The following SHC3 variants were observed in gnomAD, a reference collection of about 807,000 sequenced individuals.
SHC3 encodes SHC adaptor protein 3.
A neutral mutation model predicts 60.4 loss-of-function variants in SHC3; 15 were observed. That is an observed-to-expected ratio of 0.25 (90% CI 0.17 to 0.38). The LOEUF (loss-of-function observed/expected upper bound fraction) is 0.38. Ranked by LOEUF, SHC3 falls within the 10% of genes least tolerant of loss-of-function variation. SHC3 has a pLI of 1.00. For synonymous variants in SHC3, 294 were observed against 325.9 expected (o/e 0.90, Z 1.05); for missense variants, 677 against 786.1 (o/e 0.86, Z 1.66).
chr9:89,130,786 A>G (rs1484995005), intron 1 of SHC3, among the ~76,000 whole-genome samples: 4 of 152,210 alleles, frequency 2.6e-5, no homozygotes, highest in Non-Finnish European at 5.9e-5. Flanking sequence ...ATAGCACTAA[A>G]TGCCCACAAG....
chr9:89,137,886 A>G (rs1345273819), intron 1 of SHC3, among the ~76,000 whole-genome samples: 1 of 152,212 alleles, frequency 6.6e-6, no homozygotes, highest in Admixed American at 6.5e-5. Flanking sequence ...TAAGAAAAGA[A>G]CGATAACAGC....
intron 1 of SHC3, among the ~76,000 whole-genome samples, chr9:89,113,842 C>T (rs1825985173): frequency 6.6e-6 from 1 of 152,190 alleles, no homozygotes; most frequent in African/African-American, 2.4e-5. Context: ...ACTACCATCA[C>T]AGTTATGTGA....
rs746520061 is a variant in SHC3, at chr9:89,042,187, G to A, written c.1202-3C>T. 6.7e-7 allele frequency: 1 copy of A among 1,494,418 alleles called. No individual in the cohort carries two copies. Among genetic ancestry groups the A allele is most frequent in the African/African-American group, 1.4e-5 (1 of 69,790 alleles). The allele number at this position is 1,494,418 out of a possible 1,614,324, so 92.6% of individuals were successfully genotyped here. A position where few individuals can be genotyped will look rare whatever the true frequency, so the allele number is the denominator to read the frequency against. ...CGTGCTGTAGATGTCCGAGGACCCTGCAACAAGAAAGTGAGCCCCTTTTCT... is the reference window on the plus strand; with the variant it reads ...CGTGCTGTAGATGTCCGAGGACCCTACAACAAGAAAGTGAGCCCCTTTTCT... On this transcript the variant is annotated splice_region_variant and splice_polypyrimidine_tract_variant and intron_variant, in intron 9 of 11. Coordinates refer to ENST00000375835, the MANE Select transcript of SHC3 (RefSeq NM_016848.6).
At chr9:89,147,941 T>A (rs549526601) in intron 1 of SHC3, among the ~76,000 whole-genome samples, 1 of 152,138 alleles carries the variant, frequency 6.6e-6, no homozygotes, top group Non-Finnish European at 1.5e-5. Context: ...GTGCCTTCGC[T>A]CCTCTGCCTA....
At chr9:89,077,229 A>C (rs1282582591) in intron 3 of SHC3, among the ~76,000 whole-genome samples, 1 of 152,152 alleles carries the variant, frequency 6.6e-6, no homozygotes, top group African/African-American at 2.4e-5. Flanking sequence ...CTCAACATGC[A>C]TCACTTCCTA....
chr9:89,018,701 T>TTC (rs1473331336), intron 11 of SHC3, among the ~76,000 whole-genome samples: 2 of 150,966 alleles, frequency 1.3e-5, no homozygotes, highest in African/African-American at 2.4e-5. Context: ...CTTTCTTTCT[T>TTC]TTTTTTTTTT....
intron 2 of SHC3, among the ~76,000 whole-genome samples, chr9:89,087,576 T>G (rs528259683): frequency 6.6e-6 from 1 of 152,346 alleles, no homozygotes; most frequent in South Asian, 2.1e-4. Flanking sequence ...TCCACTTTGC[T>G]CATTCAAAAA....
intron 7 of SHC3, among the ~76,000 whole-genome samples, chr9:89,048,472 A>C (rs1337424914): frequency 6.6e-6 from 1 of 152,194 alleles, no homozygotes; most frequent in Non-Finnish European, 1.5e-5. Flanking sequence ...GCAAATCCAT[A>C]GAGACAGAAA....
chr9:89,109,291 G>A (rs1223515033), intron 2 of SHC3: 1 of 757,042 alleles, frequency 1.3e-6, no homozygotes, highest in Non-Finnish European at 1.6e-6. Context: ...TGGGTGAAGG[G>A]GGTCCCTCCT....
intron 2 of SHC3, among the ~76,000 whole-genome samples, chr9:89,078,384 C>T (rs1355803188): frequency 6.6e-6 from 1 of 152,108 alleles, no homozygotes; most frequent in Admixed American, 6.5e-5. Flanking sequence ...GAGTTTTATT[C>T]CCAGTTTCTG....
intron 2 of SHC3, among the ~76,000 whole-genome samples, chr9:89,105,172 T>C (rs1825839932): frequency 6.6e-6 from 1 of 152,186 alleles, no homozygotes; most frequent in African/African-American, 2.4e-5. Context: ...CTTGTAATGA[T>C]GCCCCTCTGT....
At chr9:89,037,753 C>A (rs947780007) in intron 11 of SHC3, among the ~76,000 whole-genome samples, 8 of 152,254 alleles carry the variant, frequency 5.3e-5, no homozygotes, top group African/African-American at 1.7e-4. Flanking sequence ...AAAGTCAAGG[C>A]TTTCAGCCTA....
intron 2 of SHC3, among the ~76,000 whole-genome samples, chr9:89,079,042 G>C (rs1825406424): frequency 6.6e-6 from 1 of 152,164 alleles, no homozygotes; most frequent in Admixed American, 6.5e-5. Flanking sequence ...CTTCCCATTT[G>C]CCACTCAATT....
intron 2 of SHC3, among the ~76,000 whole-genome samples, chr9:89,090,245 A>G (rs1018562414): frequency 3.3e-5 from 5 of 152,210 alleles, no homozygotes; most frequent in Admixed American, 3.3e-4. Flanking sequence ...CCAAGACCAC[A>G]AAGCTCTTGA....
intron 1 of SHC3, among the ~76,000 whole-genome samples, chr9:89,144,918 C>T (rs1235766310): frequency 2.0e-5 from 3 of 152,092 alleles, no homozygotes; most frequent in South Asian, 4.2e-4. Flanking sequence ...AGGATATATC[C>T]TTTCTTTAAC....
chr9:89,037,480 T>C (rs895828034), intron 11 of SHC3: 4 of 709,450 alleles, frequency 5.6e-6, no homozygotes, highest in African/African-American at 5.3e-5. Flanking sequence ...ATTATTCAGA[T>C]ACAGCTGTAG....
chr9:89,020,240 T>G (rs1587676999), intron 11 of SHC3, among the ~76,000 whole-genome samples: 2 of 126,962 alleles, frequency 1.6e-5, no homozygotes, highest in Admixed American at 1.7e-4. Context: ...GGTTAAGGGG[T>G]GAAAGAGGGA....
chr9:89,110,728 T>TG (rs1253238201), intron 2 of SHC3, among the ~76,000 whole-genome samples: 3 of 152,212 alleles, frequency 2.0e-5, no homozygotes, highest in African/African-American at 7.2e-5. Flanking sequence ...AAGGCAATTC[T>TG]GGCACAATTA....
chr9:89,051,701 A>G (rs6559337), intron 7 of SHC3, among the ~76,000 whole-genome samples: 151,831 of 152,390 alleles, frequency 1, 75,641 homozygotes, highest in East Asian at 1. Context: ...AACCGGTGGT[A>G]ACATAGACCC....
Sources: allele counts gnomAD v4.1 joint callset (sites outside exome capture counted in the v4.1 genomes callset), GRCh38; gene constraint gnomAD v4.1.1; transcripts MANE v1.5; gene names NCBI Gene and HGNC (gene_info 2026-07-23, HGNC 2026-07-21).